The following CLIP4 variants were observed in gnomAD, a reference collection of about 807,000 sequenced individuals.
CLIP4 encodes CAP-Gly domain containing linker protein family member 4.
CLIP4 carries 47 observed loss-of-function variants against 73.1 expected under a neutral mutation model. The ratio of observed to expected loss-of-function variants is 0.64; its 90% CI spans 0.51 to 0.82. The LOEUF is 0.82. Among genes scored for constraint, CLIP4 ranks in the 40% least tolerant of loss-of-function variants. The probability of loss-of-function intolerance (pLI) is 0.00; values close to 1 mark genes in which losing one functional copy is unlikely to be tolerated. For synonymous variants in CLIP4, 306 were observed against 295.4 expected (o/e 1.04, Z -0.37); for missense variants, 874 against 852.9 (o/e 1.02, Z -0.31).
At chr2:29,165,898 G>T (rs13027767) in intron 13 of CLIP4, among the ~76,000 whole-genome samples, 1 of 150,338 alleles carries the variant, frequency 6.7e-6, no homozygotes. Flanking sequence ...TGGAGCACAC[G>T]TTTTTTACTT....
At chr2:29,160,491 A>C in intron 12 of CLIP4, 24 bp downstream of exon 12, 1 of 1,611,790 alleles carries the variant, frequency 6.2e-7, no homozygotes, top group Admixed American at 1.7e-5. Flanking sequence ...ATATTTTCTT[A>C]ACTTGAATTC....
At chr2:29,179,271 C>T (rs1668518729) in intron 15 of CLIP4, among the ~76,000 whole-genome samples, 1 of 152,142 alleles carries the variant, frequency 6.6e-6, no homozygotes, top group Non-Finnish European at 1.5e-5. Flanking sequence ...ATAATTATGT[C>T]TATTTTTCAT....
chr2:29,105,722 C>T (rs1318260640), intron 1 of CLIP4, among the ~76,000 whole-genome samples: 1 of 152,124 alleles, frequency 6.6e-6, no homozygotes, highest in African/African-American at 2.4e-5. Flanking sequence ...GAGGTGAGGC[C>T]TTTGGAATTA....
intron 6 of CLIP4, among the ~76,000 whole-genome samples, chr2:29,136,044 A>G (rs535308519): frequency 6.6e-6 from 1 of 152,320 alleles, no homozygotes; most frequent in Non-Finnish European, 1.5e-5. Context: ...CATTTCGGAA[A>G]GTTATATACC....
At position 29,102,109 on chromosome 2, in the gene CLIP4, AC is replaced by A. The variant is rs375224406; in HGVS notation, c.-16+4165del. 4.6e-4 allele frequency among the ~76,000 whole-genome samples: 70 copies of A among 151,984 alleles called. No individual in the cohort carries two copies. In the South Asian group the frequency reaches 0.014, roughly 30 times the overall value. On this transcript the variant is annotated intron_variant, in intron 1 of 14. Coordinates refer to the CLIP4 transcript ENST00000401605. ...TTTGTCATTTCTGGTGGTCAGGAAA[AC>A]CCTGTGGGGTCTCTAAGAAGGGAGG...
upstream of CLIP4, among the ~76,000 whole-genome samples, chr2:29,111,803 A>AT (rs998916782): frequency 1.4e-4 from 21 of 151,326 alleles, no homozygotes; most frequent in South Asian, 6.3e-4. Flanking sequence ...AAGTCATACA[A>AT]TTTTTTTTTG....
At chr2:29,142,449 G>A (rs952034408) in intron 6 of CLIP4, among the ~76,000 whole-genome samples, 19 of 152,066 alleles carry the variant, frequency 1.2e-4, no homozygotes, top group African/African-American at 4.6e-4. Context: ...CTTAGCCTGG[G>A]TGTATTTTAA....
chr2:29,121,471 A>AT lies in CLIP4; in HGVS notation c.84dup (p.Thr29TyrfsTer17), dbSNP rs758382174. 6.2e-7 allele frequency: 1 copy of AT among 1,613,778 alleles called. No homozygotes were observed. Among genetic ancestry groups the AT allele is most frequent in the Non-Finnish European group, 8.5e-7 (1 of 1,179,864 alleles). On this transcript the variant is annotated frameshift_variant, in exon 2 of 16. Transcript: ENST00000320081. LOFTEE classifies it high-confidence loss of function. ...TACCCATTTATATTTTCTGCTTCTG[A>AT]TACCCCAGTTATCTTTTCCATTTCT...
chr2:29,168,953 G>A (rs112353228), intron 14 of CLIP4, among the ~76,000 whole-genome samples: 1 of 151,146 alleles, frequency 6.6e-6, no homozygotes, highest in African/African-American at 2.4e-5. Context: ...TTTGTGTATG[G>A]TAAGTATCTA....
At chr2:29,140,643 A>C (rs953855962) in intron 6 of CLIP4, among the ~76,000 whole-genome samples, 33 of 152,146 alleles carry the variant, frequency 2.2e-4, no homozygotes, top group Non-Finnish European at 5.9e-5. Context: ...TAGATCCCTG[A>C]GGAATCGCCA....
chr2:29,128,649 A>G, intron 2 of CLIP4, among the ~76,000 whole-genome samples: 1 of 152,158 alleles, frequency 6.6e-6, no homozygotes, highest in Non-Finnish European at 1.5e-5. Context: ...ACAGGAGCTG[A>G]AATGCTAGTT....
At chr2:29,154,693 C>CA (rs1666803790) in intron 9 of CLIP4, among the ~76,000 whole-genome samples, 1 of 152,182 alleles carries the variant, frequency 6.6e-6, no homozygotes, top group South Asian at 2.1e-4. Flanking sequence ...CTGTGAACTC[C>CA]TAGGTCTTCT....
At chr2:29,124,594 TTGTC>T (rs58994566) in intron 2 of CLIP4, among the ~76,000 whole-genome samples, 84,462 of 151,938 alleles carry the variant, frequency 0.56, 24,783 homozygotes, top group South Asian at 0.73. Context: ...CTGCTTGAAG[TTGTC>T]CCATAACTCA....
At chr2:29,109,398 A>G (rs1370448706) in intron 1 of CLIP4, among the ~76,000 whole-genome samples, 1 of 152,178 alleles carries the variant, frequency 6.6e-6, no homozygotes, top group Non-Finnish European at 1.5e-5. Context: ...ATACATCATA[A>G]TTGCATATAT....
intron 2 of CLIP4, among the ~76,000 whole-genome samples, chr2:29,122,516 A>AT (rs1185606805): frequency 1.3e-5 from 2 of 152,064 alleles, no homozygotes; most frequent in Admixed American, 6.6e-5. Flanking sequence ...GAGAACAATC[A>AT]TTTTATTTTT....
At chr2:29,150,101 AAG>A (rs1260378721) in intron 8 of CLIP4, among the ~76,000 whole-genome samples, 1 of 152,208 alleles carries the variant, frequency 6.6e-6, no homozygotes. Flanking sequence ...GGAGAAGAGA[AAG>A]AGAGAGAAAG....
chr2:29,160,868 A>G (rs1035296918), intron 12 of CLIP4, among the ~76,000 whole-genome samples: 4 of 152,238 alleles, frequency 2.6e-5, no homozygotes, highest in African/African-American at 4.8e-5. Context: ...AAAAGCACAC[A>G]AAAGGGCTCA....
intron 1 of CLIP4, among the ~76,000 whole-genome samples, chr2:29,107,368 T>TTTTTTTGTGTTTTTTTTTTTTG (rs1558504957): frequency 1.3e-5 from 1 of 76,582 alleles, no homozygotes; most frequent in African/African-American, 5.5e-5. Flanking sequence ...GTTTTTTTTT[T>TTTTTTTGTGTTTTTTTTTTTTG]TTTTTTTTTT....
intron 15 of CLIP4, 173 bp downstream of exon 15, chr2:29,174,618 C>G: frequency 7.5e-7 from 1 of 1,339,620 alleles, no homozygotes; most frequent in Non-Finnish European, 9.5e-7. Context: ...CCTTTGCAAG[C>G]GCAATTAAAA....
Sources: gnomAD v4.1 joint callset for allele counts (sites outside exome capture counted in the v4.1 genomes callset) on GRCh38, gnomAD v4.1.1 for gene constraint, MANE v1.5 for transcripts, NCBI Gene and HGNC (gene_info 2026-07-23, HGNC 2026-07-21) for gene names.